Variants in GRM7 observed in about 807,000 individuals in gnomAD.
GRM7 encodes metabotropic glutamate receptor 7.
GRM7 carries 35 observed loss-of-function variants against 84.5 expected under a neutral mutation model. The observed-to-expected ratio is 0.41, with a 90% CI of 0.32 to 0.55. The LOEUF is 0.55. Among genes scored for constraint, GRM7 ranks in the 20% least tolerant of loss-of-function variants. The pLI is 0.19. For missense variants in GRM7, 1,003 were observed against 1,194.6 expected, an observed-to-expected ratio of 0.84 and a Z score of 2.36; for synonymous variants, 487 against 455.1, an observed-to-expected ratio of 1.07 and a Z score of -0.89.
chr3:6,917,542 C>A (rs1431076903), intron 1 of GRM7, among the ~76,000 whole-genome samples: 10 of 125,094 alleles, frequency 8.0e-5, no homozygotes, highest in East Asian at 2.5e-4. Flanking sequence ...TTGTAATAAA[C>A]TTAAATGAAA....
At chr3:7,387,749 A>G (rs935067997) in intron 4 of GRM7, among the ~76,000 whole-genome samples, 6 of 152,178 alleles carry the variant, frequency 3.9e-5, no homozygotes, top group African/African-American at 1.2e-4. Context: ...CTTTTTGCTT[A>G]GGATTGCCGT....
chr3:7,675,179 T>C (rs1575618174), intron 8 of GRM7, among the ~76,000 whole-genome samples: 1 of 152,242 alleles, frequency 6.6e-6, no homozygotes, highest in African/African-American at 2.4e-5. Context: ...AAATTGGGTT[T>C]TTCCTGATAG....
At chr3:7,719,105 T>G (rs1442720509) in intron 9 of GRM7, among the ~76,000 whole-genome samples, 2 of 152,164 alleles carry the variant, frequency 1.3e-5, no homozygotes, top group African/African-American at 4.8e-5. Flanking sequence ...CCCAAGGGTA[T>G]GGTGACTACC....
chr3:7,332,844 C>A (rs1701261132), intron 4 of GRM7, among the ~76,000 whole-genome samples: 1 of 151,646 alleles, frequency 6.6e-6, no homozygotes, highest in Admixed American at 6.6e-5. Flanking sequence ...AACTGCCTAA[C>A]CCTGCCCCTA....
intron 2 of GRM7, among the ~76,000 whole-genome samples, chr3:7,190,122 G>A (rs547203215): frequency 6.6e-6 from 1 of 152,142 alleles, no homozygotes; most frequent in African/African-American, 2.4e-5. Flanking sequence ...TAAGCCAGGA[G>A]CCATGGTGAA....
intron 2 of GRM7, among the ~76,000 whole-genome samples, chr3:7,229,759 A>ATTT (rs1200808989): frequency 1.4e-3 from 42 of 30,366 alleles, no homozygotes; most frequent in East Asian, 5.3e-3. Flanking sequence ...ATATATATAT[A>ATTT]TTTTTTTTTT....
intron 8 of GRM7, among the ~76,000 whole-genome samples, chr3:7,675,664 C>G (rs888201533): frequency 1.3e-5 from 2 of 152,172 alleles, no homozygotes; most frequent in Non-Finnish European, 2.9e-5. Flanking sequence ...TGGTACATTT[C>G]TATCTGACTA....
intron 1 of GRM7, among the ~76,000 whole-genome samples, chr3:6,886,843 A>C (rs1271394694): frequency 6.6e-6 from 1 of 151,902 alleles, no homozygotes; most frequent in Non-Finnish European, 1.5e-5. Flanking sequence ...CACTTTGTAT[A>C]TATAATTCAT....
At chr3:7,048,740 A>T (rs1532545) in intron 1 of GRM7, among the ~76,000 whole-genome samples, 1 of 151,436 alleles carries the variant, frequency 6.6e-6, no homozygotes. Flanking sequence ...TGGTACGAAC[A>T]CTTAAAGTCT....
At chr3:7,532,866 C>A in intron 7 of GRM7, among the ~76,000 whole-genome samples, 2 of 132,130 alleles carry the variant, frequency 1.5e-5, no homozygotes, top group African/African-American at 3.0e-5. Context: ...GACTTTAAAC[C>A]AACAAAGATA....
chr3:7,219,691 T>G (rs1282921277), intron 2 of GRM7, among the ~76,000 whole-genome samples: 1 of 152,224 alleles, frequency 6.6e-6, no homozygotes, highest in Non-Finnish European at 1.5e-5. Context: ...CATATTTTCT[T>G]GCTGTTAGTG....
intron 1 of GRM7, among the ~76,000 whole-genome samples, chr3:7,092,632 T>G (rs957495760): frequency 6.6e-6 from 1 of 151,978 alleles, no homozygotes; most frequent in African/African-American, 2.4e-5. Flanking sequence ...AAAAGTCACT[T>G]GAGATCCTGA....
chr3:7,093,492 A>T (rs1456961720), intron 1 of GRM7, among the ~76,000 whole-genome samples: 1 of 151,674 alleles, frequency 6.6e-6, no homozygotes, highest in African/African-American at 2.4e-5. Context: ...AGCCTGTCCA[A>T]TATGGTGAAA....
intron 2 of GRM7, among the ~76,000 whole-genome samples, chr3:7,171,939 C>G (rs1694996463): frequency 6.6e-6 from 1 of 152,190 alleles, no homozygotes; most frequent in Non-Finnish European, 1.5e-5. Flanking sequence ...ATGAAAACAG[C>G]ATGCAGTTTC....
chr3:7,186,477 G>A (rs1329708254), intron 2 of GRM7, among the ~76,000 whole-genome samples: 1 of 152,168 alleles, frequency 6.6e-6, no homozygotes, highest in Non-Finnish European at 1.5e-5. Context: ...AAATTTGTTT[G>A]TACTGATTAC....
At chr3:6,931,341 A>G (rs1482523513) in intron 1 of GRM7, among the ~76,000 whole-genome samples, 2 of 152,188 alleles carry the variant, frequency 1.3e-5, no homozygotes, top group African/African-American at 4.8e-5. Context: ...TAATAGAAAT[A>G]GGAAGAGTGA....
chr3:7,464,775 C>G (rs1415896759), intron 7 of GRM7, among the ~76,000 whole-genome samples: 2 of 148,646 alleles, frequency 1.3e-5, no homozygotes, highest in East Asian at 2.0e-4. Flanking sequence ...TTACAGTGAG[C>G]CAAGATTGTG....
At chr3:7,054,539 A>G (rs1247704950) in intron 1 of GRM7, among the ~76,000 whole-genome samples, 1 of 151,746 alleles carries the variant, frequency 6.6e-6, no homozygotes, top group East Asian at 1.9e-4. Context: ...TCCCTGTTTA[A>G]GTGGGAGAGA....
intron 4 of GRM7, among the ~76,000 whole-genome samples, chr3:7,368,943 A>G (rs1242912313): frequency 1.3e-5 from 2 of 151,662 alleles, no homozygotes; most frequent in African/African-American, 2.4e-5. Context: ...AAATCCACCT[A>G]TTTGATCCCA....
Sources: allele counts gnomAD v4.1 joint callset (sites outside exome capture counted in the v4.1 genomes callset), GRCh38; gene constraint gnomAD v4.1.1; transcripts MANE v1.5; gene names NCBI Gene and HGNC (gene_info 2026-07-23, HGNC 2026-07-21).